SOCS6: variants seen among roughly 807,000 people sequenced by gnomAD.
SOCS6 encodes STAT induced STAT inhibitor-4.
Under a neutral mutation model 27.7 loss-of-function variants are expected in SOCS6, and 5 were observed. The observed-to-expected ratio is 0.18, with a 90% confidence interval of 0.09 to 0.38. The LOEUF is 0.38. Ranked by LOEUF, SOCS6 falls within the 10% of genes least tolerant of loss-of-function variation. SOCS6 has a pLI of 1.00. For synonymous variants in SOCS6, 271 were observed against 260.0 expected, an observed-to-expected ratio of 1.04 and a Z score of -0.41; for missense variants, 595 against 688.1, an observed-to-expected ratio of 0.86 and a Z score of 1.51.
At chr18:70,315,038 G>A (rs1047180911) in intron 1 of SOCS6, among the ~76,000 whole-genome samples, 34 of 152,098 alleles carry the variant, frequency 2.2e-4, no homozygotes, top group African/African-American at 6.7e-4. Context: ...TTAGAGCCAC[G>A]TTAGCAATCC....
chr18:70,289,507 G>T (rs1485044446), intron 1 of SOCS6, among the ~76,000 whole-genome samples: 1 of 147,246 alleles, frequency 6.8e-6, no homozygotes, highest in African/African-American at 2.4e-5. Flanking sequence ...GCCGGGGAGA[G>T]GCCGGGGCTC....
At chr18:70,308,867 C>G (rs2062379447) in intron 1 of SOCS6, among the ~76,000 whole-genome samples, 1 of 152,142 alleles carries the variant, frequency 6.6e-6, no homozygotes, top group Admixed American at 6.6e-5. Flanking sequence ...ATTAATATTG[C>G]TATTCTAGCT....
At position 70,326,237 on chromosome 18, in the gene SOCS6, A is replaced by G; in HGVS notation, c.1569A>G (p.Pro523=). The change falls in exon 2 of 2, where the codon CCA becomes CCG. Residue 523 remains proline, a synonymous_variant. Coordinates refer to ENST00000397942, the MANE Select transcript of SOCS6 (RefSeq NM_004232.4). ...ACTTAATTCAGAAACTGCCTTTGCC[A>G]AACAAAATGAAGGATTATTTACAGG... The part of the protein sequence containing the change: ...RIDLIQKLPL[P]NKMKDYLQEK... The G allele has an allele frequency of 1.2e-6, 2 of 1,613,932 alleles. No individual in the cohort carries two copies. The highest frequency in any genetic ancestry group is 1.7e-6 in the Non-Finnish European group (2 of 1,179,940).
At chr18:70,313,894 G>A (rs1316721136) in intron 1 of SOCS6, among the ~76,000 whole-genome samples, 2 of 152,030 alleles carry the variant, frequency 1.3e-5, no homozygotes, top group Admixed American at 6.6e-5. Context: ...TTGGGATCTC[G>A]AGTCAATATT....
At chr18:70,304,934 C>T (rs143497853) in intron 1 of SOCS6, among the ~76,000 whole-genome samples, 81 of 152,250 alleles carry the variant, frequency 5.3e-4, no homozygotes, top group African/African-American at 1.7e-3. Flanking sequence ...TGGCCGAGCG[C>T]GGTGGCTCAC....
In SOCS6 at chr18:70,327,250, A is replaced by T. The variant is rs1911243738; in HGVS notation, c.*974A>T. 1 of 166,882 alleles carries T rather than the reference A, an allele frequency of 6.0e-6. No homozygotes were observed. Among genetic ancestry groups the T allele is most frequent in the Admixed American group, 6.5e-5 (1 of 15,280 alleles). The allele number at this position is 166,882 out of a possible 1,614,324, so 10.3% of individuals were successfully genotyped here. A position where few individuals can be genotyped will look rare whatever the true frequency, so the allele number is the denominator to read the frequency against. On this transcript the variant is annotated 3_prime_UTR_variant, in exon 2 of 2. Coordinates refer to ENST00000397942, the MANE Select transcript of SOCS6 (RefSeq NM_004232.4). ...CAACTAATTTTCATAAATGGACTGG[A>T]TTCTCTTGCAACATTAATGTTTATA... is the stretch of plus-strand genomic sequence containing the variant.
intron 1 of SOCS6, among the ~76,000 whole-genome samples, chr18:70,315,332 C>T (rs1046170612): frequency 1.3e-5 from 2 of 152,016 alleles, no homozygotes; most frequent in Non-Finnish European, 2.9e-5. Context: ...CATGGTAGCT[C>T]CTTGATCACT....
chr18:70,298,241 G>A (rs186205814), intron 1 of SOCS6, among the ~76,000 whole-genome samples: 1 of 152,170 alleles, frequency 6.6e-6, no homozygotes, highest in Non-Finnish European at 1.5e-5. Context: ...TTCATAATTT[G>A]TCAAATTCTG....
chr18:70,321,143 G>A (rs1910969528), intron 1 of SOCS6, among the ~76,000 whole-genome samples: 1 of 151,660 alleles, frequency 6.6e-6, no homozygotes, highest in Non-Finnish European at 1.5e-5. Context: ...GCGTGGTGGT[G>A]CGTGCCTATA....
At position 70,327,160 on chromosome 18, in the gene SOCS6, T is replaced by C. The variant is rs1911240347; in HGVS notation, c.*884T>C. ...TTTTTTTGTGTGTTACCTATCCTTT[T>C]GGTAAAATGTTTTATCTGTGATTTC... On this transcript the variant is annotated 3_prime_UTR_variant, in exon 2 of 2. Coordinates refer to ENST00000397942, the MANE Select transcript of SOCS6 (RefSeq NM_004232.4). The C allele has an allele frequency of 6.0e-6, 1 of 167,024 alleles. No individual in the cohort carries two copies. The highest frequency in any genetic ancestry group is 1.5e-5 in the Non-Finnish European group (1 of 68,096). 10.3% of individuals were successfully genotyped at this position (167,024 alleles called of 1,614,324 possible).
intron 1 of SOCS6, among the ~76,000 whole-genome samples, chr18:70,302,477 T>C (rs1033398614): frequency 2.0e-5 from 3 of 152,144 alleles, no homozygotes; most frequent in African/African-American, 7.2e-5. Flanking sequence ...GACTACAAAG[T>C]GAGACCCATC....
Position 70,317,495 on chromosome 18 carries a change from CATAT to C in SOCS6, c.-126-7044_-126-7041del, listed in dbSNP as rs200580425. On this transcript the variant is annotated intron_variant, in intron 1 of 1. Transcript: ENST00000397942. ...ACACATATATACATACATATATACA[CATAT>C]ATACATACATATATACATACATATA... 1.5e-3 allele frequency among the ~76,000 whole-genome samples: 203 copies of C among 133,950 alleles called. 2 individuals carry two copies. In the East Asian group the frequency reaches 0.03, roughly 20 times the overall value. The allele number at this position is 133,950 out of a possible 152,430, so 87.9% of individuals were successfully genotyped here. A position where few individuals can be genotyped will look rare whatever the true frequency, so the allele number is the denominator to read the frequency against.
At chr18:70,318,722 G>C (rs1004179503) in intron 1 of SOCS6, among the ~76,000 whole-genome samples, 3 of 152,106 alleles carry the variant, frequency 2.0e-5, no homozygotes, top group African/African-American at 4.8e-5. Context: ...TGGATCACAA[G>C]GTCAGGAGTT....
In SOCS6 at chr18:70,325,866, A is replaced by C. The variant is rs754137872; in HGVS notation, c.1198A>C (p.Asn400His). The C allele has an allele frequency of 2.5e-6, 4 of 1,614,080 alleles. No individual in the cohort carries two copies. Among genetic ancestry groups the C allele is most frequent in the African/African-American group, 2.7e-5 (2 of 74,938 alleles). The change falls in exon 2 of 2, where the codon AAC becomes CAC. Residue 400 changes from asparagine (N) to histidine (H), a missense_variant. Asn to His is a moderately conservative substitution (Grantham distance 68). Coordinates refer to ENST00000397942, the MANE Select transcript of SOCS6 (RefSeq NM_004232.4). This position sits in a 1 kb window ranked among gnomAD's most constrained non-coding sequence, Gnocchi z 6.3. Reference sequence around the variant, plus strand: ...TTGGGAGGCAGAAGGGAAGCTAGCAAACGTGCCAGATGGTTCTTTTCTTGT... The same window carrying C: ...TTGGGAGGCAGAAGGGAAGCTAGCACACGTGCCAGATGGTTCTTTTCTTGT... ...TRWEAEGKLA[N>H]VPDGSFLVRD...
At chr18:70,289,698 G>T (rs928174336) in intron 1 of SOCS6, among the ~76,000 whole-genome samples, 6 of 151,492 alleles carry the variant, frequency 4.0e-5, no homozygotes, top group South Asian at 2.1e-4. Context: ...CCGCGAGGTC[G>T]CGCCGGCGCT....
rs1419358149 is a variant in SOCS6 at position 70,327,067 on chromosome 18, A to G, written c.*791A>G. On this transcript the variant is annotated 3_prime_UTR_variant, in exon 2 of 2. Transcript: ENST00000397942. ...AAACTCGGGTACAAATTGGCATAACATGAAAACCTATGGAACTAGAATTAT... is the reference window on the plus strand; with the variant it reads ...AAACTCGGGTACAAATTGGCATAACGTGAAAACCTATGGAACTAGAATTAT... 6.0e-6 allele frequency: 1 copy of G among 166,716 alleles called. No individual in the cohort carries two copies. The highest frequency in any genetic ancestry group is 1.5e-5 in the Non-Finnish European group (1 of 68,100). The allele number at this position is 166,716 out of a possible 1,614,324, so 10.3% of individuals were successfully genotyped here.
At chr18:70,324,372 A>C (rs1202760586) in intron 1 of SOCS6, among the ~76,000 whole-genome samples, 171 bp from the exon 2 acceptor site, 1 of 150,816 alleles carries the variant, frequency 6.6e-6, no homozygotes, top group Non-Finnish European at 1.5e-5. Flanking sequence ...TGTAGTAGGC[A>C]GTGATCTGCT....
At chr18:70,307,248 T>G (rs2062373312) in intron 1 of SOCS6, among the ~76,000 whole-genome samples, 1 of 152,202 alleles carries the variant, frequency 6.6e-6, no homozygotes. Flanking sequence ...GGCAACAGAA[T>G]GAGACCCTGT....
chr18:70,306,116 G>A (rs2062368199), intron 1 of SOCS6, among the ~76,000 whole-genome samples: 1 of 152,058 alleles, frequency 6.6e-6, no homozygotes, highest in Non-Finnish European at 1.5e-5. Flanking sequence ...TGTAGTCCAA[G>A]CTCCTTGGAA....
Sources: allele counts gnomAD v4.1 joint callset (sites outside exome capture counted in the v4.1 genomes callset), GRCh38; gene constraint gnomAD v4.1.1; non-coding constraint Gnocchi (gnomAD v3.1); transcripts MANE v1.5; gene names NCBI Gene and HGNC (gene_info 2026-07-23, HGNC 2026-07-21).